The following SNX7 variants were observed in gnomAD, a reference collection of about 807,000 sequenced individuals.
The protein encoded by SNX7 is sorting nexin 7, also known as sorting nexin-7.
A neutral mutation model predicts 48.4 loss-of-function variants in SNX7; 35 were observed. The ratio of observed to expected loss-of-function variants is 0.72; its 90% CI spans 0.55 to 0.96. SNX7 has a LOEUF of 0.96. SNX7 is among the 40% of genes least tolerant of loss of function. The pLI is 0.00. For missense variants in SNX7, 553 were observed against 548.9 expected (o/e 1.01, Z -0.07); for synonymous variants, 190 against 190.2 (o/e 1.00, Z 0.01).
intron 1 of SNX7, among the ~76,000 whole-genome samples, chr1:98,681,323 T>C (rs1489610772): frequency 6.6e-6 from 1 of 152,072 alleles, no homozygotes; most frequent in East Asian, 1.9e-4. Context: ...CAAGATAAGA[T>C]TTGGGTGGGG....
At chr1:98,680,384 C>T (rs1358676217) in intron 1 of SNX7, among the ~76,000 whole-genome samples, 1 of 152,210 alleles carries the variant, frequency 6.6e-6, no homozygotes, top group Non-Finnish European at 1.5e-5. Flanking sequence ...CCATGAAGAC[C>T]TCTGGCATGC....
intron 1 of SNX7, among the ~76,000 whole-genome samples, chr1:98,666,537 C>T (rs1443031598): frequency 1.3e-5 from 2 of 152,088 alleles, no homozygotes; most frequent in Non-Finnish European, 2.9e-5. Context: ...GTGCCAGCCT[C>T]CTAGGGCACA....
At position 98,681,070 on chromosome 1, in the gene SNX7, A is replaced by G. The variant is rs987193816; in HGVS notation, c.181-3815A>G. Among the ~76,000 whole-genome samples, 20 of 152,206 alleles carry G rather than the reference A, an allele frequency of 1.3e-4. 1 individual carries two copies. The highest frequency in any genetic ancestry group is 4.3e-4 in the African/African-American group (18 of 41,460). On this transcript the variant is annotated intron_variant, in intron 1 of 8. Coordinates refer to ENST00000306121, the MANE Select transcript of SNX7 (RefSeq NM_015976.5). ...TAGGAAAAGGGTTTAATGACTTACA[A>G]TTCCACGTGGCTGGGGAAGCATCAC... is the stretch of plus-strand genomic sequence containing the variant.
At chr1:98,752,741 C>A (rs187190443) in intron 8 of SNX7, among the ~76,000 whole-genome samples, 41 of 152,112 alleles carry the variant, frequency 2.7e-4, no homozygotes, top group Admixed American at 6.6e-4. Flanking sequence ...TTAATTCAGT[C>A]TTCTTCAAAG....
intron 8 of SNX7, among the ~76,000 whole-genome samples, chr1:98,752,744 C>A (rs1654648788): frequency 6.6e-6 from 1 of 152,040 alleles, no homozygotes; most frequent in Admixed American, 6.6e-5. Context: ...ATTCAGTCTT[C>A]TTCAAAGTAT....
intron 7 of SNX7, among the ~76,000 whole-genome samples, chr1:98,723,831 A>G (rs67104941): frequency 0.15 from 23,373 of 151,982 alleles, 1,889 homozygotes; most frequent in South Asian, 0.18. Flanking sequence ...ACTGCACTCC[A>G]GCCTGGGTGA....
At chr1:98,759,976 T>G (rs981592233) in intron 8 of SNX7, 78 bp from the exon 9 acceptor site, 1 of 902,252 alleles carries the variant, frequency 1.1e-6, no homozygotes, top group African/African-American at 1.6e-5. Flanking sequence ...TAGGAACAGA[T>G]GTGTTAGAAT....
chr1:98,723,953 G>A (rs1023423890), intron 7 of SNX7, among the ~76,000 whole-genome samples: 4 of 107,736 alleles, frequency 3.7e-5, no homozygotes, highest in African/African-American at 1.2e-4. Flanking sequence ...CTTTTTCATT[G>A]TTAGCTGGCA....
intron 2 of SNX7, among the ~76,000 whole-genome samples, chr1:98,690,512 C>T (rs954727285): frequency 2.0e-5 from 3 of 151,996 alleles, no homozygotes; most frequent in Non-Finnish European, 4.4e-5. Context: ...CATCAAATGT[C>T]TATTAATTAC....
chr1:98,691,251 C>T, intron 3 of SNX7, 66 bp downstream of exon 3: 1 of 897,922 alleles, frequency 1.1e-6, no homozygotes, highest in Non-Finnish European at 1.7e-6. Flanking sequence ...TTTTTGAATG[C>T]CTAAAACCTA....
At chr1:98,758,932 T>C (rs911198830) in intron 8 of SNX7, among the ~76,000 whole-genome samples, 1 of 150,888 alleles carries the variant, frequency 6.6e-6, no homozygotes, top group Admixed American at 6.6e-5. Flanking sequence ...TGTTTGTGCA[T>C]ACACACACAC....
chr1:98,677,719 A>C (rs1290582486), intron 1 of SNX7, among the ~76,000 whole-genome samples: 1 of 152,006 alleles, frequency 6.6e-6, no homozygotes, highest in Non-Finnish European at 1.5e-5. Flanking sequence ...CTCTACTAAA[A>C]ATACAAAAAT....
chr1:98,690,808 GT>G (rs1192729536), intron 2 of SNX7, among the ~76,000 whole-genome samples: 2 of 152,038 alleles, frequency 1.3e-5, no homozygotes, highest in East Asian at 3.9e-4. Flanking sequence ...GCAGATGGTT[GT>G]TGTAAGACAG....
At chr1:98,673,756 C>T (rs544648357) in intron 1 of SNX7, among the ~76,000 whole-genome samples, 7 of 152,284 alleles carry the variant, frequency 4.6e-5, no homozygotes, top group African/African-American at 1.7e-4. Flanking sequence ...CTTATCATCC[C>T]TATACCACAA....
chr1:98,685,079 G>T lies in SNX7; in HGVS notation c.363+12G>T, dbSNP rs9433747. On this transcript the variant is annotated intron_variant, in intron 2 of 8. Coordinates refer to ENST00000306121, the MANE Select transcript of SNX7 (RefSeq NM_015976.5). ...GGATTATTACTAAGGTAAACATTTG[G>T]TGAATATTTTCTTGAATATAGCTGC... 4 of 1,397,978 alleles carry T rather than the reference G, an allele frequency of 2.9e-6. 1 individual carries two copies. In the South Asian group the frequency reaches 5.8e-5, roughly 20 times the overall value. The allele number at this position is 1,397,978 out of a possible 1,614,324, so 86.6% of individuals were successfully genotyped here. A position where few individuals can be genotyped will look rare whatever the true frequency, so the allele number is the denominator to read the frequency against.
chr1:98,687,232 A>G (rs912843606), intron 2 of SNX7, among the ~76,000 whole-genome samples: 3 of 152,174 alleles, frequency 2.0e-5, no homozygotes, highest in Non-Finnish European at 2.9e-5. Context: ...AGGTTACACA[A>G]CATTGTAATT....
intron 7 of SNX7, among the ~76,000 whole-genome samples, chr1:98,736,837 T>C (rs975519415): frequency 1.3e-5 from 2 of 152,194 alleles, no homozygotes; most frequent in Non-Finnish European, 2.9e-5. Flanking sequence ...CATTTTTACA[T>C]TTTAGCATCT....
At chr1:98,717,927 A>G (rs1342495884) in intron 7 of SNX7, among the ~76,000 whole-genome samples, 1 of 152,098 alleles carries the variant, frequency 6.6e-6, no homozygotes, top group Non-Finnish European at 1.5e-5. Context: ...GAGAAAAAAG[A>G]CATATATCCG....
At chr1:98,728,332 A>G (rs1653303089) in intron 7 of SNX7, among the ~76,000 whole-genome samples, 1 of 152,218 alleles carries the variant, frequency 6.6e-6, no homozygotes, top group African/African-American at 2.4e-5. Context: ...AGACAAGCAA[A>G]TGCTGAGGGA....
Sources: allele counts gnomAD v4.1 joint callset (sites outside exome capture counted in the v4.1 genomes callset), GRCh38; gene constraint gnomAD v4.1.1; transcripts MANE v1.5; gene names NCBI Gene and HGNC (gene_info 2026-07-23, HGNC 2026-07-21).